Variants in KALRN observed in about 807,000 individuals in gnomAD.
The protein encoded by KALRN is kalirin RhoGEF kinase, also known as kalirin.
A neutral mutation model predicts 353.7 loss-of-function variants in KALRN; 70 were observed. The ratio of observed to expected loss-of-function variants is 0.20; its 90% confidence interval spans 0.16 to 0.24. KALRN has a LOEUF of 0.24. Ranked by LOEUF, KALRN falls within the 10% of genes least tolerant of loss-of-function variation. The pLI is 1.00. For synonymous variants in KALRN, 1,391 were observed against 1,434.8 expected (o/e 0.97, Z 0.69); for missense variants, 2,791 against 3,756.7 (o/e 0.74, Z 6.72).
rs115691256 is a variant in KALRN at position 124,365,765 on chromosome 3, G to T, written c.1770+18500G>T. ...AACCCAAGGTCCAGACTCCCTGCCT[G>T]TCATTCTGTGCTGCTGTTAGTTCTA... On this transcript the variant is annotated intron_variant, in intron 10 of 59. Transcript: ENST00000682506. 4.9e-3 allele frequency among the ~76,000 whole-genome samples: 751 copies of T among 152,342 alleles called. 4 individuals carry two copies. Among genetic ancestry groups the T allele is most frequent in the African/African-American group, 0.017 (716 of 41,576 alleles).
chr3:124,164,078 G>A (rs2150044490), intron 1 of KALRN: 1 of 649,636 alleles, frequency 1.5e-6, no homozygotes. Flanking sequence ...ATCCAGATTG[G>A]ACAGTGACCT....
intron 13 of KALRN, among the ~76,000 whole-genome samples, chr3:124,408,406 A>G (rs1252871541): frequency 6.6e-6 from 1 of 152,240 alleles, no homozygotes; most frequent in Non-Finnish European, 1.5e-5. Context: ...GGTTAAGAGC[A>G]TTGGACTTGG....
chr3:124,111,187 T>A (rs1344491609), intron 1 of KALRN, among the ~76,000 whole-genome samples: 1 of 152,186 alleles, frequency 6.6e-6, no homozygotes, highest in Non-Finnish European at 1.5e-5. Context: ...AGAACCCCAA[T>A]ACCTTACATC....
chr3:124,067,394 T>C (rs757766692), intron 1 of KALRN, among the ~76,000 whole-genome samples: 1 of 148,864 alleles, frequency 6.7e-6, no homozygotes, highest in Non-Finnish European at 1.5e-5. Context: ...ACATAGTTGG[T>C]ACCCAAACCA....
chr3:124,642,814 T>TTG, intron 37 of KALRN, among the ~76,000 whole-genome samples: 1 of 102,292 alleles, frequency 9.8e-6, no homozygotes, highest in East Asian at 4.4e-4. Flanking sequence ...TCGTTTTTTT[T>TTG]TTTTTTTTTT....
At chr3:124,484,384 C>T (rs1255684281) in intron 28 of KALRN, among the ~76,000 whole-genome samples, 2 of 152,196 alleles carry the variant, frequency 1.3e-5, no homozygotes, top group African/African-American at 4.8e-5. Context: ...TCCTCATCTC[C>T]AAGAAGAGGC....
At chr3:124,346,782 A>G (rs996200828) in intron 9 of KALRN, among the ~76,000 whole-genome samples, 1 of 152,150 alleles carries the variant, frequency 6.6e-6, no homozygotes, top group Admixed American at 6.5e-5. Context: ...AACTGCTACT[A>G]CCTAATTTCC....
chr3:124,714,139 AAACTTT>A (rs1018155058), intron 58 of KALRN, among the ~76,000 whole-genome samples: 1 of 151,764 alleles, frequency 6.6e-6, no homozygotes, highest in African/African-American at 2.4e-5. Flanking sequence ...TGTGAAACTT[AAACTTT>A]ATGTAGTTAA....
chr3:124,521,693 CACTT>C (rs1362132714), intron 33 of KALRN, among the ~76,000 whole-genome samples: 4 of 151,950 alleles, frequency 2.6e-5, no homozygotes, highest in Non-Finnish European at 5.9e-5. Flanking sequence ...CTCAGGGTGG[CACTT>C]ACCAAAGCTT....
At chr3:124,216,298 G>A (rs1170982263) in intron 1 of KALRN, among the ~76,000 whole-genome samples, 1 of 152,178 alleles carries the variant, frequency 6.6e-6, no homozygotes, top group African/African-American at 2.4e-5. Flanking sequence ...TGTGCTGTGA[G>A]GGAGGCAGAG....
chr3:124,263,855 G>A (rs2073192698), intron 3 of KALRN, among the ~76,000 whole-genome samples: 1 of 152,064 alleles, frequency 6.6e-6, no homozygotes, highest in Non-Finnish European at 1.5e-5. Flanking sequence ...GAGGCAACAG[G>A]GTCTCTGTCT....
chr3:124,130,812 C>T (rs1377465027), intron 1 of KALRN, among the ~76,000 whole-genome samples: 3 of 152,088 alleles, frequency 2.0e-5, no homozygotes, highest in Admixed American at 6.6e-5. Context: ...ATAAAGAGCG[C>T]ACTATTGGCA....
intron 1 of KALRN, among the ~76,000 whole-genome samples, chr3:124,139,599 G>A (rs1014199038): frequency 5.9e-5 from 9 of 152,088 alleles, no homozygotes; most frequent in Admixed American, 3.9e-4. Context: ...AGAGCCTTAG[G>A]GCACAGTGAG....
intron 33 of KALRN, among the ~76,000 whole-genome samples, chr3:124,529,328 C>T (rs1210214185): frequency 6.6e-6 from 1 of 152,234 alleles, no homozygotes; most frequent in Admixed American, 6.5e-5. Flanking sequence ...ATGAGGACCT[C>T]CCCTGTTGCA....
At position 124,442,074 on chromosome 3, in the gene KALRN, TGCCCA is replaced by T; in HGVS notation, c.3313+19_3313+23del. Reference sequence around the variant, plus strand: ...ACAAGTGAAAGGTCAGTGAGAGACCTGCCCAGCCACCAGTCACTTCAGCGACAGCC... The same window carrying T: ...ACAAGTGAAAGGTCAGTGAGAGACCTGCCACCAGTCACTTCAGCGACAGCC... On this transcript the variant is annotated intron_variant, in intron 19 of 59. Transcript: ENST00000682506. The T allele has an allele frequency of 6.5e-7, 1 of 1,540,458 alleles. No individual in the cohort carries two copies. Among genetic ancestry groups the T allele is most frequent in the East Asian group, 2.3e-5 (1 of 43,084 alleles).
chr3:124,455,474 A>G, intron 22 of KALRN, 115 bp downstream of exon 22: 1 of 1,051,792 alleles, frequency 9.5e-7, no homozygotes, highest in Admixed American at 2.7e-5. Flanking sequence ...TGAGCTATTG[A>G]CTCCTAGAGC....
chr3:124,403,085 C>A (rs2091072783), intron 13 of KALRN, among the ~76,000 whole-genome samples: 1 of 152,136 alleles, frequency 6.6e-6, no homozygotes, highest in Non-Finnish European at 1.5e-5. Context: ...AAGCAATGAA[C>A]AAATGAGCCA....
intron 1 of KALRN, among the ~76,000 whole-genome samples, chr3:124,171,591 G>C (rs1337915608): frequency 2.0e-5 from 3 of 151,802 alleles, no homozygotes; most frequent in African/African-American, 4.9e-5. Flanking sequence ...TCAGACTGAG[G>C]GGGTAGCAAA....
chr3:124,663,549 T>C (rs1259076756), intron 45 of KALRN, among the ~76,000 whole-genome samples: 1 of 152,206 alleles, frequency 6.6e-6, no homozygotes, highest in East Asian at 1.9e-4. Flanking sequence ...ACACACAATA[T>C]GTTTTTAAGA....
Sources: gnomAD v4.1 joint callset for allele counts (sites outside exome capture counted in the v4.1 genomes callset) on GRCh38, gnomAD v4.1.1 for gene constraint, MANE v1.5 for transcripts, NCBI Gene and HGNC (gene_info 2026-07-23, HGNC 2026-07-21) for gene names.